RPL5: variants seen among roughly 807,000 people sequenced by gnomAD.
RPL5 encodes the protein large ribosomal subunit protein uL18.
In RPL5, 1 loss-of-function variant was observed where a neutral mutation model predicts 38.4. That is an observed-to-expected ratio of 0.03 (90% CI 0.01 to 0.12). The LOEUF is 0.12. Ranked by LOEUF, RPL5 falls within the 10% of genes least tolerant of loss-of-function variation. The pLI, the probability that RPL5 is intolerant of heterozygous loss-of-function variation, is 1.00. For synonymous variants in RPL5, 109 were observed against 121.2 expected (o/e 0.90, Z 0.66); for missense variants, 243 against 374.1 (o/e 0.65, Z 2.89).
intron 1 of RPL5, chr1:92,832,682 A>C (rs148293748): frequency 2.8e-6 from 1 of 357,032 alleles, no homozygotes; most frequent in South Asian, 4.5e-5. Flanking sequence ...CTCCTTTAAC[A>C]TGGAATACGT....
At chr1:92,840,687 G>T (rs1334873165) in intron 7 of RPL5, 48 bp downstream of exon 7, 1 of 1,333,734 alleles carries the variant, frequency 7.5e-7, no homozygotes, top group Non-Finnish European at 1.1e-6. Flanking sequence ...GTTGGGAATG[G>T]TTCCCACGTG....
At position 92,832,199 on chromosome 1, in the gene RPL5, C is replaced by G; in HGVS notation, c.3+82C>G. ...CCGTATGCCAGCCTAGGGCCCGTCT[C>G]GCGCGTCGCAGGGGCCGGATGGCGT... On this transcript the variant is annotated intron_variant, in intron 1 of 7. Transcript: ENST00000370321. 3 of 1,592,510 alleles carry G rather than the reference C, an allele frequency of 1.9e-6. 1 individual carries two copies. The South Asian group carries it at 3.4e-5, about 18-fold the overall frequency.
intron 1 of RPL5, chr1:92,833,150 T>C: frequency 1.5e-6 from 1 of 664,466 alleles, no homozygotes; most frequent in South Asian, 1.7e-5. Context: ...TATGTTTCTT[T>C]TATTCCATAT....
chr1:92,832,580 T>G (rs946347316), intron 1 of RPL5, among the ~76,000 whole-genome samples: 3 of 152,198 alleles, frequency 2.0e-5, no homozygotes, highest in Admixed American at 2.0e-4. Flanking sequence ...GTCTTAGATT[T>G]AGGAAGCTTG....
At chr1:92,840,403 C>T (rs975928933) in intron 6 of RPL5, 148 bp from the exon 7 acceptor site, 23 of 671,278 alleles carry the variant, frequency 3.4e-5, no homozygotes, top group Middle Eastern at 4.2e-4. Context: ...AGGTGAGTTA[C>T]ATTTAGAAGT....
intron 6 of RPL5, 26 bp from the exon 7 acceptor site, chr1:92,840,525 G>A: frequency 1.9e-6 from 3 of 1,552,876 alleles, no homozygotes; most frequent in Non-Finnish European, 2.7e-6. Context: ...ATGAAACCAA[G>A]TACTGTTTGC....
chr1:92,836,446 T>A, intron 5 of RPL5, 54 bp downstream of exon 5: 1 of 1,503,494 alleles, frequency 6.7e-7, no homozygotes, highest in East Asian at 2.3e-5. Context: ...TCCCTGTTTT[T>A]AACTAGTTGG....
chr1:92,836,078 G>A, intron 4 of RPL5, 112 bp from the exon 5 acceptor site: 2 of 973,652 alleles, frequency 2.1e-6, no homozygotes, highest in Non-Finnish European at 3.3e-6. Flanking sequence ...GGGTGTGGAA[G>A]GAAATTTTCT....
At chr1:92,838,476 C>A (rs1478122382) in intron 6 of RPL5, among the ~76,000 whole-genome samples, 1 of 152,238 alleles carries the variant, frequency 6.6e-6, no homozygotes, top group Non-Finnish European at 1.5e-5. Flanking sequence ...CAGAACTTTT[C>A]AGACTCCCAG....
Position 92,834,928 on chromosome 1 carries a change from A to AT in RPL5, c.324+19dup. On this transcript the variant is annotated intron_variant, in intron 4 of 7. Transcript: ENST00000370321. ...TGGCCCGCAGGGTATGTACAAGATG[A>AT]TTTTAATTGATGTAGTTTGTGGCTG... is the stretch of plus-strand genomic sequence containing the variant. The AT allele has an allele frequency of 2.5e-6, 4 of 1,600,122 alleles. No homozygotes were observed. The African/African-American group carries it at 5.3e-5, about 21-fold the overall frequency.
At position 92,837,558 on chromosome 1, in the gene RPL5, C is replaced by T; in HGVS notation, c.630C>T (p.Tyr210=). 1 of 1,611,994 alleles carries T rather than the reference C, an allele frequency of 6.2e-7. No homozygotes were observed. Among genetic ancestry groups the T allele is most frequent in the Non-Finnish European group, 8.5e-7 (1 of 1,179,760 alleles). ...MGQNVADYMR[Y]LMEEDEDAYK... ...AGAATGTTGCAGATTACATGCGCTA[C>T]TTAATGGAAGAAGATGAAGATGCTT... is the stretch of plus-strand genomic sequence containing the variant. Residue 210 remains tyrosine, a synonymous_variant, in exon 6 of 8, where the codon TAC becomes TAT. Transcript: ENST00000370321.
At chr1:92,835,898 A>G (rs1687105034) in intron 4 of RPL5, among the ~76,000 whole-genome samples, 1 of 152,246 alleles carries the variant, frequency 6.6e-6, no homozygotes, top group African/African-American at 2.4e-5. Flanking sequence ...TTGTAAGTAT[A>G]AGAATCAAGT....
At chr1:92,840,497 T>A (rs1687312045) in intron 6 of RPL5, 54 bp from the exon 7 acceptor site, 1 of 1,284,920 alleles carries the variant, frequency 7.8e-7, no homozygotes, top group Admixed American at 1.7e-5. Flanking sequence ...GTTGCATTAA[T>A]ATAGTAGGGC....
intron 6 of RPL5, among the ~76,000 whole-genome samples, chr1:92,838,394 G>A (rs1402403167): frequency 6.6e-6 from 1 of 152,084 alleles, no homozygotes; most frequent in Non-Finnish European, 1.5e-5. Flanking sequence ...TTTACTTTTG[G>A]ATTATGATTC....
At chr1:92,841,438 G>A (rs1222812621) in intron 7 of RPL5, among the ~76,000 whole-genome samples, 3 of 152,062 alleles carry the variant, frequency 2.0e-5, no homozygotes, top group Admixed American at 6.6e-5. Flanking sequence ...TTAATATATA[G>A]TGCTGCAATG....
intron 3 of RPL5, 191 bp downstream of exon 3, chr1:92,833,851 G>A (rs779522818): frequency 9.1e-5 from 54 of 591,962 alleles, no homozygotes; most frequent in Non-Finnish European, 1.6e-4. Flanking sequence ...TCTTGGTTGC[G>A]CTCATGCCTG....
chr1:92,836,150 G>T, intron 4 of RPL5, 40 bp from the exon 5 acceptor site: 2 of 1,561,720 alleles, frequency 1.3e-6, no homozygotes, highest in South Asian at 1.1e-5. Flanking sequence ...AGAGCAGTTT[G>T]AATAATTGAA....
intron 6 of RPL5, among the ~76,000 whole-genome samples, chr1:92,838,443 T>C (rs1446379927): frequency 2.0e-5 from 3 of 152,260 alleles, no homozygotes; most frequent in African/African-American, 7.2e-5. Flanking sequence ...CCTATATCTT[T>C]ATGTAGTCAT....
At chr1:92,833,106 C>T in intron 1 of RPL5, 1 of 695,458 alleles carries the variant, frequency 1.4e-6, no homozygotes. Context: ...AATTTTATAC[C>T]TGTTAAATGT....
Sources: allele counts gnomAD v4.1 joint callset (sites outside exome capture counted in the v4.1 genomes callset), GRCh38; gene constraint gnomAD v4.1.1; transcripts MANE v1.5; gene names NCBI Gene and HGNC (gene_info 2026-07-23, HGNC 2026-07-21).